The following OTOP3 variants were observed in gnomAD, a reference collection of about 807,000 sequenced individuals.
The protein encoded by OTOP3 is proton channel OTOP3.
In OTOP3, 41 loss-of-function variants were observed where a neutral mutation model predicts 50.8. The ratio of observed to expected loss-of-function variants is 0.81; its 90% CI spans 0.63 to 1.05. The LOEUF (loss-of-function observed/expected upper bound fraction) is 1.05, where lower values mean the gene tolerates loss of function less well. Among genes scored for constraint, OTOP3 ranks in the 50% least tolerant of loss-of-function variants. The pLI is 0.00. For missense variants in OTOP3, 788 were observed against 760.8 expected, an observed-to-expected ratio of 1.04 and a Z score of -0.42; for synonymous variants, 320 against 324.4, an observed-to-expected ratio of 0.99 and a Z score of 0.14.
In OTOP3 at chr17:74,947,131, C is replaced by T; in HGVS notation, c.1222C>T (p.Gln408Ter). 5.6e-6 allele frequency: 9 copies of T among 1,614,128 alleles called. No homozygotes were observed. The highest frequency in any genetic ancestry group is 7.6e-6 in the Non-Finnish European group (9 of 1,180,042). Residue 408 changes from glutamine (Q) to a stop codon, truncating the protein, a stop_gained, in exon 6 of 7, where the codon CAG (glutamine) becomes TAG (stop). Transcript: ENST00000328801. LOFTEE classifies it high-confidence loss of function. ...VVLLMGAALG[Q>*]MGIAYFSIVA... ...GCTGCTAATGGGTGCTGCACTGGGC[C>T]AGATGGGCATCGCCTATTTCTCCAT... is the stretch of plus-strand genomic sequence containing the variant.
intron 6 of OTOP3, among the ~76,000 whole-genome samples, chr17:74,948,844 T>A (rs1348023401): frequency 6.6e-6 from 1 of 151,738 alleles, no homozygotes; most frequent in African/African-American, 2.4e-5. Flanking sequence ...CTCAAAAAAA[T>A]AAATAAATAA....
rs35662550 is a variant in OTOP3 at position 74,940,088 on chromosome 17, T to TAC, written c.20-1261_20-1260dup. Among the ~76,000 whole-genome samples, 861 of 122,322 alleles carry TAC rather than the reference T, an allele frequency of 7.0e-3. 11 individuals carry two copies. Among genetic ancestry groups the TAC allele is most frequent in the African/African-American group, 0.02 (607 of 31,000 alleles). 80.2% of individuals were successfully genotyped at this position (122,322 alleles called of 152,430 possible). A position where few individuals can be genotyped will look rare whatever the true frequency, so the allele number is the denominator to read the frequency against. On this transcript the variant is annotated intron_variant, in intron 1 of 6. Transcript: ENST00000328801. ...TCATACCTGGCTAATATATATATTA[T>TAC]ACACACACACACACACACACACACA...
chr17:74,941,261 A>T, intron 1 of OTOP3, 132 bp from the exon 2 acceptor site: 2 of 913,670 alleles, frequency 2.2e-6, no homozygotes, highest in Non-Finnish European at 3.1e-6. Context: ...AGCTGCTATT[A>T]GTTCCAATGT....
chr17:74,936,954 C>T (rs1386654476), intron 1 of OTOP3, among the ~76,000 whole-genome samples: 1 of 94,938 alleles, frequency 1.1e-5, no homozygotes, highest in African/African-American at 3.7e-5. Flanking sequence ...TTCATCACCC[C>T]CCCACCCTTT....
Position 74,947,341 on chromosome 17 carries a change from A to G in OTOP3, c.1432A>G (p.Arg478Gly), listed in dbSNP as rs745577209. 3.7e-6 allele frequency: 6 copies of G among 1,613,192 alleles called. No individual in the cohort carries two copies. The South Asian group carries it at 5.5e-5, about 15-fold the overall frequency. Residue 478 changes from arginine to glycine, a missense_variant, in exon 6 of 7, where the codon AGA becomes GGA. Arg to Gly is a moderately radical substitution (Grantham distance 125). Coordinates refer to ENST00000328801, the MANE Select transcript of OTOP3 (RefSeq NM_001272005.2). ...AAAGCAGGAGGCTGAGCCTCCCCGC[A>G]GAGGCTCCTTGCTGGAGCTGGGCCA... ...AGKQEAEPPR[R>G]GSLLELGQGL...
Position 74,947,159 on chromosome 17 carries a change from T to C in OTOP3, c.1250T>C (p.Val417Ala), listed in dbSNP as rs2039236140. 2 of 1,613,948 alleles carry C rather than the reference T, an allele frequency of 1.2e-6. No individual in the cohort carries two copies. The highest frequency in any genetic ancestry group is 2.2e-5 in the South Asian group (2 of 91,094). ...GQMGIAYFSI[V>A]AIVAKRPHEL... ...ATGGGCATCGCCTATTTCTCCATCG[T>C]GGCCATTGTGGCCAAGCGCCCGCAT... Residue 417 changes from valine to alanine, a missense_variant, in exon 6 of 7, where the codon GTG becomes GCG. Physicochemically the swap from Val to Ala is moderately conservative, Grantham distance 64 (BLOSUM62 0). Transcript: ENST00000328801.
rs546737454 is a variant in OTOP3 at position 74,942,348 on chromosome 17, C to T, written c.573+311C>T. Reference sequence around the variant, plus strand: ...AAACCTTCTCTTAAGAATACAATCTCGGCAGGGCGCAGTGGCTCACGCCTG... The same window carrying T: ...AAACCTTCTCTTAAGAATACAATCTTGGCAGGGCGCAGTGGCTCACGCCTG... On this transcript the variant is annotated intron_variant, in intron 3 of 6. Coordinates refer to ENST00000328801, the MANE Select transcript of OTOP3 (RefSeq NM_001272005.2). Among the ~76,000 whole-genome samples the T allele has an allele frequency of 5.9e-5, 9 of 152,340 alleles. No homozygotes were observed. In the South Asian group the frequency reaches 1.9e-3, roughly 32 times the overall value.
In OTOP3 at chr17:74,949,697, G is replaced by A; in HGVS notation, c.*281G>A. The A allele has an allele frequency of 2.5e-6, 1 of 405,466 alleles. No homozygotes were observed. The highest frequency in any genetic ancestry group is 4.4e-6 in the Non-Finnish European group (1 of 226,690). 25.1% of individuals were successfully genotyped at this position (405,466 alleles called of 1,614,324 possible). On this transcript the variant is annotated 3_prime_UTR_variant, in exon 7 of 7. Transcript: ENST00000328801. ...GCAAGCCAAGGGTGCACCCCAGGAG[G>A]CTGGCAGGGGCCCCCTCACGGCTAC... is the stretch of plus-strand genomic sequence containing the variant.
intron 1 of OTOP3, among the ~76,000 whole-genome samples, chr17:74,941,157 A>T (rs1024634762): frequency 6.6e-6 from 1 of 152,186 alleles, no homozygotes; most frequent in African/African-American, 2.4e-5. Flanking sequence ...ACGCCAGTCA[A>T]ACTAATTCCC....
At chr17:74,945,657 G>C (rs916314750) in intron 5 of OTOP3, among the ~76,000 whole-genome samples, 4 of 152,198 alleles carry the variant, frequency 2.6e-5, no homozygotes, top group Admixed American at 2.6e-4. Context: ...CTGATGACCT[G>C]ACCCTGAGTG....
intron 1 of OTOP3, among the ~76,000 whole-genome samples, chr17:74,939,474 G>A (rs1410087963): frequency 6.6e-6 from 1 of 152,080 alleles, no homozygotes; most frequent in African/African-American, 2.4e-5. Flanking sequence ...CCCACCAGGA[G>A]AGCACCCAGA....
intron 3 of OTOP3, among the ~76,000 whole-genome samples, 159 bp downstream of exon 3, chr17:74,942,196 C>T (rs915000009): frequency 7.9e-5 from 12 of 152,188 alleles, no homozygotes; most frequent in African/African-American, 2.7e-4. Context: ...CACAAGTGTC[C>T]ACGTCCACAC....
chr17:74,949,727 T>G lies in OTOP3; in HGVS notation c.*311T>G. The G allele has an allele frequency of 3.0e-6, 1 of 328,958 alleles. No homozygotes were observed. The highest frequency in any genetic ancestry group is 5.6e-6 in the Non-Finnish European group (1 of 178,388). 20.4% of individuals were successfully genotyped at this position (328,958 alleles called of 1,614,324 possible). On this transcript the variant is annotated 3_prime_UTR_variant, in exon 7 of 7. Coordinates refer to ENST00000328801, the MANE Select transcript of OTOP3 (RefSeq NM_001272005.2). ...CAGGGGCCCCCTCACGGCTACTCTG[T>G]GGGAGGGTCAGACCTACATGACCGA...
chr17:74,939,743 G>A (rs796794142), intron 1 of OTOP3, among the ~76,000 whole-genome samples: 4 of 152,078 alleles, frequency 2.6e-5, no homozygotes, highest in African/African-American at 9.7e-5. Context: ...TTCCGGGAGT[G>A]GGGGGAGGGG....
rs958660996 is a variant in OTOP3 at position 74,949,717 on chromosome 17, G to A, written c.*301G>A. ...AGGAGGCTGGCAGGGGCCCCCTCAC[G>A]GCTACTCTGTGGGAGGGTCAGACCT... On this transcript the variant is annotated 3_prime_UTR_variant, in exon 7 of 7. Transcript: ENST00000328801. 5 of 357,220 alleles carry A rather than the reference G, an allele frequency of 1.4e-5. No individual in the cohort carries two copies. The highest frequency in any genetic ancestry group is 4.7e-5 in the South Asian group (1 of 21,498). 22.1% of individuals were successfully genotyped at this position (357,220 alleles called of 1,614,324 possible). A position where few individuals can be genotyped will look rare whatever the true frequency, so the allele number is the denominator to read the frequency against.
chr17:74,936,371 C>G (rs1408739089), intron 1 of OTOP3, among the ~76,000 whole-genome samples: 1 of 152,208 alleles, frequency 6.6e-6, no homozygotes, highest in Non-Finnish European at 1.5e-5. Context: ...CGGAGCCGGC[C>G]CTGCGCTGCT....
chr17:74,947,247 G>T lies in OTOP3; in HGVS notation c.1338G>T (p.Gln446His), dbSNP rs2039237723. ...SLLLILQHIAQNLFIIEGLHR... is the reference protein window; with the variant it reads ...SLLLILQHIAHNLFIIEGLHR... Reference sequence around the variant, plus strand: ...TGCTCATCCTGCAGCACATCGCTCAGAACCTCTTCATCATCGAGGGCCTGC... The same window carrying T: ...TGCTCATCCTGCAGCACATCGCTCATAACCTCTTCATCATCGAGGGCCTGC... Residue 446 changes from glutamine (Q) to histidine (H), a missense_variant, in exon 6 of 7, where the codon CAG becomes CAT. Gln to His is a conservative substitution (Grantham distance 24). Transcript: ENST00000328801. The T allele has an allele frequency of 6.2e-7, 1 of 1,613,922 alleles. No individual in the cohort carries two copies. Among genetic ancestry groups the T allele is most frequent in the African/African-American group, 1.3e-5 (1 of 75,072 alleles).
chr17:74,940,179 T>G (rs1165234211), intron 1 of OTOP3, among the ~76,000 whole-genome samples: 5 of 149,808 alleles, frequency 3.3e-5, no homozygotes, highest in Admixed American at 6.7e-5. Context: ...TTTGTTTTTT[T>G]TTTTTTTTGA....
At position 74,946,894 on chromosome 17, in the gene OTOP3, G is replaced by C. The variant is rs76038034; in HGVS notation, c.985G>C (p.Val329Leu). 9.3e-6 allele frequency: 15 copies of C among 1,611,430 alleles called. No homozygotes were observed. In the East Asian group the frequency reaches 2.9e-4, roughly 31 times the overall value. The change falls in exon 6 of 7, where the codon GTG (valine) becomes CTG (leucine). Residue 329 changes from valine (V) to leucine (L), a missense_variant. Coordinates refer to ENST00000328801, the MANE Select transcript of OTOP3 (RefSeq NM_001272005.2). The stretch of plus-strand genomic sequence containing the variant: ...CTTCGGGCCGCTGCTGGGCCTGCTG[G>C]TGCTGCTGGCAGGTGTGTGCGTCTT... ...AIFGPLLGLL[V>L]LLAGVCVFVL...
Sources: allele counts gnomAD v4.1 joint callset (sites outside exome capture counted in the v4.1 genomes callset), GRCh38; gene constraint gnomAD v4.1.1; transcripts MANE v1.5; gene names NCBI Gene and HGNC (gene_info 2026-07-23, HGNC 2026-07-21).